The following WWC2 variants were observed in gnomAD, a reference collection of about 807,000 sequenced individuals.
The protein encoded by WWC2 is protein WWC2.
Under a neutral mutation model 138.5 loss-of-function variants are expected in WWC2, and 101 were observed. That is an observed-to-expected ratio of 0.73 (90% CI 0.62 to 0.86). The LOEUF is 0.86. WWC2 is among the 40% of genes least tolerant of loss of function. The probability of loss-of-function intolerance (pLI) is 0.00; values close to 1 mark genes in which losing one functional copy is unlikely to be tolerated. For synonymous variants in WWC2, 558 were observed against 538.4 expected, an observed-to-expected ratio of 1.04 and a Z score of -0.50; for missense variants, 1,420 against 1,419.4, an observed-to-expected ratio of 1.00 and a Z score of -0.01.
In WWC2 at chr4:183,193,514, A is replaced by T. The variant is rs891215754; in HGVS notation, c.132-85A>T. 3.5e-5 allele frequency: 41 copies of T among 1,165,440 alleles called. No individual in the cohort carries two copies. In the Admixed American group the frequency reaches 5.4e-4, roughly 15 times the overall value. The allele number at this position is 1,165,440 out of a possible 1,614,324, so 72.2% of individuals were successfully genotyped here. On this transcript the variant is annotated intron_variant, in intron 1 of 22. Transcript: ENST00000403733. ...TTCTTTAAGATTTTAAATGCAACCT[A>T]GACACTTGTGGTTAGGGTGCTGAAT...
intron 1 of WWC2, among the ~76,000 whole-genome samples, chr4:183,138,942 A>G (rs1411600874): frequency 6.6e-6 from 1 of 152,200 alleles, no homozygotes; most frequent in Non-Finnish European, 1.5e-5. Flanking sequence ...TAACAGCTGG[A>G]TAGGTGAGTT....
intron 9 of WWC2, among the ~76,000 whole-genome samples, chr4:183,256,784 T>G (rs1044434880): frequency 2.6e-5 from 4 of 151,992 alleles, no homozygotes; most frequent in African/African-American, 7.3e-5. Flanking sequence ...TCCCATTATT[T>G]CAGGGGTGAC....
At chr4:183,142,911 G>A (rs1579981588) in intron 1 of WWC2, among the ~76,000 whole-genome samples, 1 of 152,122 alleles carries the variant, frequency 6.6e-6, no homozygotes, top group Admixed American at 6.6e-5. Context: ...TAAAAACCAC[G>A]AAAATGCTGT....
chr4:183,191,854 G>A (rs1334291591), intron 1 of WWC2, among the ~76,000 whole-genome samples: 1 of 151,904 alleles, frequency 6.6e-6, no homozygotes, highest in Non-Finnish European at 1.5e-5. Context: ...TGGCTTCCCA[G>A]AGTGCGGAGA....
rs889129962 is a variant in WWC2 at position 183,218,707 on chromosome 4, G to A, written c.522+9682G>A. Among the ~76,000 whole-genome samples, 10 of 152,260 alleles carry A rather than the reference G, an allele frequency of 6.6e-5. 1 individual carries two copies. The highest frequency in any genetic ancestry group is 4.2e-4 in the South Asian group (2 of 4,816). On this transcript the variant is annotated intron_variant, in intron 4 of 22. Transcript: ENST00000403733. ...AGATGAAGTCTGAAGGCTGGCAGGC[G>A]GAGACCCAGGAAAGCTGGCAGTGCA...
intron 1 of WWC2, among the ~76,000 whole-genome samples, chr4:183,161,968 A>G (rs557321727): frequency 1.2e-4 from 19 of 152,354 alleles, no homozygotes; most frequent in Non-Finnish European, 2.6e-4. Flanking sequence ...ATTTTTCAGC[A>G]TAAATGAGGA....
chr4:183,242,617 C>T (rs1254964351), intron 5 of WWC2, among the ~76,000 whole-genome samples: 1 of 152,118 alleles, frequency 6.6e-6, no homozygotes, highest in Non-Finnish European at 1.5e-5. Context: ...GATGAAACAG[C>T]AAGTCACAGG....
chr4:183,222,548 A>T (rs1269863449), intron 4 of WWC2, among the ~76,000 whole-genome samples: 4 of 152,186 alleles, frequency 2.6e-5, no homozygotes, highest in Non-Finnish European at 5.9e-5. Flanking sequence ...AAGATATTTT[A>T]AAAAATAGAA....
intron 1 of WWC2, among the ~76,000 whole-genome samples, chr4:183,182,169 G>A (rs1463439480): frequency 6.6e-6 from 1 of 152,148 alleles, no homozygotes; most frequent in Non-Finnish European, 1.5e-5. Context: ...TTTGATAAAA[G>A]TAATACAGGT....
chr4:183,156,991 C>T (rs1426421802), intron 1 of WWC2, among the ~76,000 whole-genome samples: 4 of 152,074 alleles, frequency 2.6e-5, no homozygotes, highest in Non-Finnish European at 5.9e-5. Flanking sequence ...ATATGATACC[C>T]TTTACCCCAA....
intron 11 of WWC2, among the ~76,000 whole-genome samples, chr4:183,263,213 GTATT>G (rs1362632474): frequency 1.3e-5 from 2 of 152,206 alleles, no homozygotes; most frequent in South Asian, 2.1e-4. Flanking sequence ...TGCTCTTCCT[GTATT>G]TGGAGTGGTA....
In WWC2 at chr4:183,142,649, A is replaced by G. The variant is rs147010609; in HGVS notation, c.131+43027A>G. Among the ~76,000 whole-genome samples, 571 of 152,320 alleles carry G rather than the reference A, an allele frequency of 3.7e-3. 3 individuals are homozygous for G. Among genetic ancestry groups the G allele is most frequent in the African/African-American group, 0.013 (536 of 41,588 alleles). ...TATTTTAATATTGGAATAATGTTTC[A>G]AATGGTGGTTTGGGGAGCTGTGTCG... is the stretch of plus-strand genomic sequence containing the variant. On this transcript the variant is annotated intron_variant, in intron 1 of 22. Coordinates refer to ENST00000403733, the MANE Select transcript of WWC2 (RefSeq NM_024949.6).
At chr4:183,170,204 A>G (rs1401216570) in intron 1 of WWC2, among the ~76,000 whole-genome samples, 1 of 152,238 alleles carries the variant, frequency 6.6e-6, no homozygotes, top group Non-Finnish European at 1.5e-5. Flanking sequence ...TTTCCACTGT[A>G]GAAAATAGCG....
chr4:183,205,489 A>G (rs1284244665), intron 2 of WWC2, among the ~76,000 whole-genome samples: 2 of 152,096 alleles, frequency 1.3e-5, no homozygotes, highest in African/African-American at 2.4e-5. Flanking sequence ...TCTCCAGATT[A>G]TGGGCCATAT....
intron 1 of WWC2, among the ~76,000 whole-genome samples, chr4:183,187,999 A>G (rs1734865178): frequency 6.6e-6 from 1 of 152,228 alleles, no homozygotes; most frequent in Admixed American, 6.5e-5. Flanking sequence ...ATAATAGACA[A>G]CTAATAAAAT....
rs554707369 is a variant in WWC2, at chr4:183,110,286, G to A, written c.131+10664G>A. On this transcript the variant is annotated intron_variant, in intron 1 of 22. Coordinates refer to ENST00000403733, the MANE Select transcript of WWC2 (RefSeq NM_024949.6). ...TTGGAAGTATATAGTATTATGCTTT[G>A]GTAGTTAGAAATACTGACTTTCTTG... is the stretch of plus-strand genomic sequence containing the variant. Among the ~76,000 whole-genome samples the A allele has an allele frequency of 5.3e-5, 8 of 152,238 alleles. No individual in the cohort carries two copies. The East Asian group carries it at 9.6e-4, about 18-fold the overall frequency.
At position 183,193,608 on chromosome 4, in the gene WWC2, G is replaced by A. The variant is rs756333697; in HGVS notation, c.141G>A (p.Lys47=). ...SWIDPRDRLT[K]PLSFADCVGD... is the part of the protein sequence containing the mutation. Reference sequence around the variant, plus strand: ...TTCTGGTTTGTTGTAGGTTAACGAAGCCCTTGTCATTTGCTGATTGTGTTG... The same window carrying A: ...TTCTGGTTTGTTGTAGGTTAACGAAACCCTTGTCATTTGCTGATTGTGTTG... Residue 47 remains lysine (K), a synonymous_variant, in exon 2 of 23, where the codon AAG becomes AAA. Coordinates refer to ENST00000403733, the MANE Select transcript of WWC2 (RefSeq NM_024949.6). 5.6e-6 allele frequency: 9 copies of A among 1,613,690 alleles called. No individual in the cohort carries two copies. The South Asian group carries it at 8.8e-5, about 16-fold the overall frequency.
At chr4:183,167,387 C>G (rs573669895) in intron 1 of WWC2, among the ~76,000 whole-genome samples, 1 of 152,226 alleles carries the variant, frequency 6.6e-6, no homozygotes, top group East Asian at 1.9e-4. Context: ...AGAAGAGATA[C>G]AAGTGAGAAG....
intron 15 of WWC2, 43 bp from the exon 16 acceptor site, chr4:183,271,037 C>T (rs754642208): frequency 8.4e-6 from 12 of 1,424,588 alleles, no homozygotes; most frequent in Non-Finnish European, 2.8e-6. Flanking sequence ...ATTTTATTTT[C>T]TCTTCCTTAT....
Sources: gnomAD v4.1 joint callset for allele counts (sites outside exome capture counted in the v4.1 genomes callset) on GRCh38, gnomAD v4.1.1 for gene constraint, MANE v1.5 for transcripts, NCBI Gene and HGNC (gene_info 2026-07-23, HGNC 2026-07-21) for gene names.